PLS1: variants seen among roughly 807,000 people sequenced by gnomAD.
The protein encoded by PLS1 is plastin-1.
In PLS1, 32 loss-of-function variants were observed where a neutral mutation model predicts 73.7. The observed-to-expected ratio is 0.43, with a 90% confidence interval of 0.33 to 0.58. The LOEUF is 0.58. PLS1 is among the 20% of genes least tolerant of loss of function. PLS1 has a pLI of 0.04. For synonymous variants in PLS1, 217 were observed against 261.3 expected, an observed-to-expected ratio of 0.83 and a Z score of 1.63; for missense variants, 633 against 740.5, an observed-to-expected ratio of 0.85 and a Z score of 1.68.
At chr3:142,620,460 T>C (rs2036294564) in intron 1 of PLS1, among the ~76,000 whole-genome samples, 1 of 151,298 alleles carries the variant, frequency 6.6e-6, no homozygotes, top group Non-Finnish European at 1.5e-5. Context: ...TGCAGAAAGA[T>C]ATTCTCACAG....
chr3:142,685,831 A>G (rs2037952788), intron 8 of PLS1, among the ~76,000 whole-genome samples: 1 of 152,246 alleles, frequency 6.6e-6, no homozygotes, highest in Non-Finnish European at 1.5e-5. Context: ...GGGAAGAACT[A>G]TATATCCATC....
intron 9 of PLS1, 145 bp from the exon 10 acceptor site, chr3:142,689,473 G>T: frequency 2.5e-6 from 1 of 401,872 alleles, no homozygotes. Flanking sequence ...TGGGTAAGTT[G>T]ACTTGGAATT....
At chr3:142,633,007 A>T (rs2036599490) in intron 1 of PLS1, among the ~76,000 whole-genome samples, 2 of 152,352 alleles carry the variant, frequency 1.3e-5, no homozygotes, top group South Asian at 2.1e-4. Context: ...TGACTATATG[A>T]AGGAAATGTG....
Position 142,641,243 on chromosome 3 carries a change from C to A in PLS1, c.-36-22959C>A, listed in dbSNP as rs942349322. 5.7e-5 allele frequency among the ~76,000 whole-genome samples: 8 copies of A among 140,840 alleles called. No homozygotes were observed. The East Asian group carries it at 8.0e-4, about 14-fold the overall frequency. 92.4% of individuals were successfully genotyped at this position (140,840 alleles called of 152,430 possible). On this transcript the variant is annotated intron_variant, in intron 1 of 15. Coordinates refer to ENST00000457734, the MANE Select transcript of PLS1 (RefSeq NM_001145319.2). ...ATAGATATATATAATATCTATATAT[C>A]TATATATCTCTCTATATATTATATG...
At chr3:142,657,606 C>T (rs892308455) in intron 1 of PLS1, among the ~76,000 whole-genome samples, 2 of 152,208 alleles carry the variant, frequency 1.3e-5, no homozygotes, top group South Asian at 2.1e-4. Context: ...TCTCCTGCCT[C>T]AACCTCCCAA....
intron 9 of PLS1, among the ~76,000 whole-genome samples, chr3:142,687,552 AG>A (rs2037997178): frequency 6.6e-6 from 1 of 152,206 alleles, no homozygotes; most frequent in Admixed American, 6.6e-5. Flanking sequence ...TAAAAAAATT[AG>A]GAACTTAAAC....
chr3:142,667,450 C>T (rs1015934443), intron 2 of PLS1, among the ~76,000 whole-genome samples: 6 of 151,914 alleles, frequency 3.9e-5, no homozygotes, highest in African/African-American at 1.2e-4. Flanking sequence ...AAGTTCTTAT[C>T]GCTCCACTGC....
intron 8 of PLS1, among the ~76,000 whole-genome samples, chr3:142,685,622 G>T (rs1560068470): frequency 1.3e-5 from 2 of 152,204 alleles, no homozygotes; most frequent in African/African-American, 4.8e-5. Flanking sequence ...CAGCATGATA[G>T]TCTCAGATAG....
At chr3:142,694,011 T>C (rs1236429416) in intron 10 of PLS1, among the ~76,000 whole-genome samples, 1 of 152,032 alleles carries the variant, frequency 6.6e-6, no homozygotes. Flanking sequence ...GCTGAGAAAC[T>C]TTCCTATGTA....
chr3:142,607,169 A>T (rs939509911), intron 1 of PLS1, among the ~76,000 whole-genome samples: 1 of 152,236 alleles, frequency 6.6e-6, no homozygotes, highest in African/African-American at 2.4e-5. Context: ...CTTAAAAAAA[A>T]ACCAATAGAC....
rs1560030209 is a variant in PLS1, at chr3:142,613,905, AC to A, written c.-37+17397del. Among the ~76,000 whole-genome samples, 8 of 152,308 alleles carry A rather than the reference AC, an allele frequency of 5.3e-5. No individual in the cohort carries two copies. In the South Asian group the frequency reaches 1.7e-3, roughly 32 times the overall value. On this transcript the variant is annotated intron_variant, in intron 1 of 15. Transcript: ENST00000457734. ...GACAGGGTCTTTCCAAAAACAACAT[AC>A]TTTTATTTGCTTTATGTATAATTAA...
At chr3:142,626,528 TTATC>T (rs1421408579) in intron 1 of PLS1, among the ~76,000 whole-genome samples, 2 of 152,216 alleles carry the variant, frequency 1.3e-5, no homozygotes, top group Admixed American at 6.5e-5. Context: ...TGGAAAGACT[TTATC>T]ATATCATTAA....
At chr3:142,700,603 T>G (rs527658847) in intron 12 of PLS1, among the ~76,000 whole-genome samples, 1 of 152,372 alleles carries the variant, frequency 6.6e-6, no homozygotes, top group African/African-American at 2.4e-5. Flanking sequence ...ATTACAGGCG[T>G]GAGCCACTGT....
chr3:142,635,007 G>A (rs2036646557), intron 1 of PLS1, among the ~76,000 whole-genome samples: 2 of 151,104 alleles, frequency 1.3e-5, no homozygotes, highest in African/African-American at 2.4e-5. Context: ...TGTAGCCTCT[G>A]AACTCCTGGG....
chr3:142,620,526 GA>G (rs1398256183), intron 1 of PLS1, among the ~76,000 whole-genome samples: 1 of 152,176 alleles, frequency 6.6e-6, no homozygotes, highest in East Asian at 1.9e-4. Flanking sequence ...GGTTTATAGA[GA>G]TTTTTTTAAA....
rs927596280 is a variant in PLS1, at chr3:142,712,511, C to A, written c.*504C>A. 1 of 152,508 alleles carries A rather than the reference C, an allele frequency of 6.6e-6. No homozygotes were observed. Among genetic ancestry groups the A allele is most frequent in the African/African-American group, 2.4e-5 (1 of 41,400 alleles). The allele number at this position is 152,508 out of a possible 1,614,324, so 9.4% of individuals were successfully genotyped here. On this transcript the variant is annotated 3_prime_UTR_variant, in exon 16 of 16. Transcript: ENST00000457734. ...TATACTGTCTAAAACCTTATGGTGA[C>A]CAGAATTGTTTATTAATATCAAACT...
At chr3:142,685,974 GATA>G (rs1247389290) in intron 8 of PLS1, among the ~76,000 whole-genome samples, 1 of 152,174 alleles carries the variant, frequency 6.6e-6, no homozygotes, top group East Asian at 1.9e-4. Flanking sequence ...GCATACGGGA[GATA>G]ATACTTGACC....
At chr3:142,636,631 G>T (rs1051605611) in intron 1 of PLS1, among the ~76,000 whole-genome samples, 3 of 152,174 alleles carry the variant, frequency 2.0e-5, no homozygotes, top group Non-Finnish European at 4.4e-5. Context: ...TTAAGAGAAT[G>T]AAATGACAAT....
At chr3:142,632,462 C>A (rs1431192161) in intron 1 of PLS1, among the ~76,000 whole-genome samples, 1 of 152,062 alleles carries the variant, frequency 6.6e-6, no homozygotes, top group Non-Finnish European at 1.5e-5. Context: ...AGTGATTGGA[C>A]CCCTTTTGAG....
Sources: gnomAD v4.1 joint callset for allele counts (sites outside exome capture counted in the v4.1 genomes callset) on GRCh38, gnomAD v4.1.1 for gene constraint, MANE v1.5 for transcripts, NCBI Gene and HGNC (gene_info 2026-07-23, HGNC 2026-07-21) for gene names.